OR10G7: variants seen among roughly 807,000 people sequenced by gnomAD.
The protein encoded by OR10G7 is olfactory receptor 10G7.
For synonymous variants in OR10G7, 165 were observed against 167.4 expected (o/e 0.99, Z 0.11); for missense variants, 338 against 382.1 (o/e 0.88, Z 0.96).
chr11:124,039,056 CTG>C (rs1864223116), intron 1 of OR10G7, 35 bp from the exon 2 acceptor site: 2 of 1,549,578 alleles, frequency 1.3e-6, no homozygotes, highest in Non-Finnish European at 1.8e-6. Context: ...ATAGCATTTA[CTG>C]TGAGCATGTT....
rs754133814 is a variant in OR10G7, at chr11:124,038,046, C to T, written c.*20G>A. 5.3e-6 allele frequency: 8 copies of T among 1,500,724 alleles called. No individual in the cohort carries two copies. In the Middle Eastern group the frequency reaches 7.1e-4, roughly 133 times the overall value. 93.0% of individuals were successfully genotyped at this position (1,500,724 alleles called of 1,614,324 possible). On this transcript the variant is annotated 3_prime_UTR_variant, in exon 2 of 2. Transcript: ENST00000641585. ...TTACAAATAAAAAAAGAAAAGTTAG[C>T]CATATATGGCCTTTCTTAACTATTC...
chr11:124,040,011 A>C (rs961305741), intron 1 of OR10G7, among the ~76,000 whole-genome samples: 1 of 152,132 alleles, frequency 6.6e-6, no homozygotes, highest in Non-Finnish European at 1.5e-5. Context: ...CTTCCTGGTC[A>C]TATACAAAGT....
rs778661823 is a variant in OR10G7 at position 124,038,521 on chromosome 11, A to G, written c.481T>C (p.Leu161=). The G allele has an allele frequency of 1.9e-6, 3 of 1,613,818 alleles. No individual in the cohort carries two copies. The highest frequency in any genetic ancestry group is 2.2e-5 in the East Asian group (1 of 44,878). ...GSLHSAVQTI[L]TFHLPYCGPN... is the part of the protein sequence containing the mutation. ...CCACAGTAGGGCAAATGGAAAGTCAATATGGTCTGGACAGCAGAGTGCAGA... is the reference window on the plus strand; with the variant it reads ...CCACAGTAGGGCAAATGGAAAGTCAGTATGGTCTGGACAGCAGAGTGCAGA... Residue 161 remains leucine (L), a synonymous_variant, in exon 2 of 2, where the codon TTG becomes CTG. Transcript: ENST00000641585.
rs762376540 is a variant in OR10G7 at position 124,037,182 on chromosome 11, C to T, written c.*884G>A. 19 of 152,208 alleles carry T rather than the reference C, an allele frequency of 1.2e-4. No individual in the cohort carries two copies. The highest frequency in any genetic ancestry group is 6.2e-4 in the South Asian group (3 of 4,824). The allele number at this position is 152,208 out of a possible 1,614,324, so 9.4% of individuals were successfully genotyped here. A position where few individuals can be genotyped will look rare whatever the true frequency, so the allele number is the denominator to read the frequency against. On this transcript the variant is annotated 3_prime_UTR_variant, in exon 2 of 2. Coordinates refer to ENST00000641585, the MANE Select transcript of OR10G7 (RefSeq NM_001004463.2). Reference sequence around the variant, plus strand: ...TTTCATATACTTTAAGTCAAACAAACGAATGTGACTTGCAGACATAGTCTA... The same window carrying T: ...TTTCATATACTTTAAGTCAAACAAATGAATGTGACTTGCAGACATAGTCTA...
chr11:124,038,936 G>A lies in OR10G7; in HGVS notation c.66C>T (p.Asp22=), dbSNP rs370886031. The A allele has an allele frequency of 1.1e-5, 17 of 1,611,070 alleles. No individual in the cohort carries two copies. The highest frequency in any genetic ancestry group is 6.7e-5 in the East Asian group (3 of 44,876). ...CCAGGAAGATTCCAAAGAGGGGGGC[G>A]TCCAGCCCTGGGGCATGGGGAAGGC... is the stretch of plus-strand genomic sequence containing the variant. The part of the protein sequence containing the change: ...LTGLPHAPGL[D]APLFGIFLVV... The change falls in exon 2 of 2, where the codon GAC becomes GAT. Residue 22 remains aspartate, a synonymous_variant. Coordinates refer to ENST00000641585, the MANE Select transcript of OR10G7 (RefSeq NM_001004463.2).
At position 124,037,945 on chromosome 11, in the gene OR10G7, G is replaced by A; in HGVS notation, c.*121C>T. The A allele has an allele frequency of 3.0e-6, 2 of 659,414 alleles. No individual in the cohort carries two copies. Among genetic ancestry groups the A allele is most frequent in the South Asian group, 3.0e-5 (1 of 32,980 alleles). 40.8% of individuals were successfully genotyped at this position (659,414 alleles called of 1,614,324 possible). On this transcript the variant is annotated 3_prime_UTR_variant, in exon 2 of 2. Transcript: ENST00000641585. ...GAAAAAAATGAAAAATTAATTAACTGTCCAATTAAAAATTAAGACTGAATA... is the reference window on the plus strand; with the variant it reads ...GAAAAAAATGAAAAATTAATTAACTATCCAATTAAAAATTAAGACTGAATA...
In OR10G7 at chr11:124,038,965, T is replaced by C. The variant is rs1276551248; in HGVS notation, c.37A>G (p.Thr13Ala). ...NATLLTAFIL[T>A]GLPHAPGLDA... Reference sequence around the variant, plus strand: ...AGCCCTGGGGCATGGGGAAGGCCCGTGAGGATGAACGCTGTCAGTAGGGTG... The same window carrying C: ...AGCCCTGGGGCATGGGGAAGGCCCGCGAGGATGAACGCTGTCAGTAGGGTG... The change falls in exon 2 of 2, where the codon ACG (threonine) becomes GCG (alanine). Residue 13 changes from threonine to alanine, a missense_variant. Physicochemically the swap from Thr to Ala is moderately conservative, Grantham distance 58. Transcript: ENST00000641585. The C allele has an allele frequency of 6.2e-7, 1 of 1,613,346 alleles. No individual in the cohort carries two copies. The highest frequency in any genetic ancestry group is 1.7e-5 in the Admixed American group (1 of 59,990).
chr11:124,040,150 C>G (rs1319254901), intron 1 of OR10G7, among the ~76,000 whole-genome samples: 3 of 152,110 alleles, frequency 2.0e-5, no homozygotes, highest in Admixed American at 6.5e-5. Context: ...TAAGCCTTCT[C>G]TTTCTAAAGT....
At position 124,040,941 on chromosome 11, in the gene OR10G7, G is replaced by A. The variant is rs1379695501; in HGVS notation, c.-76C>T. Reference sequence around the variant, plus strand: ...GCAAAATTCAATATTGAAAGAAAATGTCAGTTCTTGATAAGTGGTATAATT... The same window carrying A: ...GCAAAATTCAATATTGAAAGAAAATATCAGTTCTTGATAAGTGGTATAATT... On this transcript the variant is annotated 5_prime_UTR_variant, in exon 1 of 2. Coordinates refer to ENST00000641585, the MANE Select transcript of OR10G7 (RefSeq NM_001004463.2). 11 of 152,106 alleles carry A rather than the reference G, an allele frequency of 7.2e-5. No homozygotes were observed. The highest frequency in any genetic ancestry group is 1.9e-4 in the East Asian group (1 of 5,194). 9.4% of individuals were successfully genotyped at this position (152,106 alleles called of 1,614,324 possible). A position where few individuals can be genotyped will look rare whatever the true frequency, so the allele number is the denominator to read the frequency against.
chr11:124,039,499 C>T (rs148247636), intron 1 of OR10G7, among the ~76,000 whole-genome samples: 16 of 152,200 alleles, frequency 1.1e-4, no homozygotes, highest in Admixed American at 2.6e-4. Context: ...TAGAGAATTT[C>T]CATTACAAAT....
Position 124,036,114 on chromosome 11 carries a change from A to G in OR10G7, c.*1952T>C, listed in dbSNP as rs1236205667. 1 of 152,216 alleles carries G rather than the reference A, an allele frequency of 6.6e-6. No homozygotes were observed. The highest frequency in any genetic ancestry group is 1.5e-5 in the Non-Finnish European group (1 of 68,034). 9.4% of individuals were successfully genotyped at this position (152,216 alleles called of 1,614,324 possible). A position where few individuals can be genotyped will look rare whatever the true frequency, so the allele number is the denominator to read the frequency against. On this transcript the variant is annotated 3_prime_UTR_variant, in exon 2 of 2. Coordinates refer to ENST00000641585, the MANE Select transcript of OR10G7 (RefSeq NM_001004463.2). ...AGATTTGTGGATTATAATAATGTCAATATCCCAGTTGTGATATTGCACTAC... is the reference window on the plus strand; with the variant it reads ...AGATTTGTGGATTATAATAATGTCAGTATCCCAGTTGTGATATTGCACTAC...
intron 1 of OR10G7, among the ~76,000 whole-genome samples, chr11:124,039,666 T>C (rs1864227839): frequency 6.6e-6 from 1 of 152,022 alleles, no homozygotes; most frequent in Non-Finnish European, 1.5e-5. Context: ...AGATCAGGGG[T>C]CCTCAAACTC....
At position 124,037,215 on chromosome 11, in the gene OR10G7, G is replaced by A. The variant is rs1203199646; in HGVS notation, c.*851C>T. The A allele has an allele frequency of 6.6e-6, 1 of 152,036 alleles. No homozygotes were observed. Among genetic ancestry groups the A allele is most frequent in the Non-Finnish European group, 1.5e-5 (1 of 68,012 alleles). The allele number at this position is 152,036 out of a possible 1,614,324, so 9.4% of individuals were successfully genotyped here. A position where few individuals can be genotyped will look rare whatever the true frequency, so the allele number is the denominator to read the frequency against. The stretch of plus-strand genomic sequence containing the variant: ...ACTTGCAGACATAGTCTAATTACAT[G>A]GGAAATATTATCTAGTACTTTATTC... On this transcript the variant is annotated 3_prime_UTR_variant, in exon 2 of 2. Coordinates refer to ENST00000641585, the MANE Select transcript of OR10G7 (RefSeq NM_001004463.2).
intron 1 of OR10G7, among the ~76,000 whole-genome samples, chr11:124,040,067 T>C (rs1406693845): frequency 6.6e-6 from 1 of 152,156 alleles, no homozygotes; most frequent in Non-Finnish European, 1.5e-5. Context: ...TCATTTTCTT[T>C]AGCTTCCCTT....
At position 124,038,042 on chromosome 11, in the gene OR10G7, T is replaced by C. The variant is rs1198335792; in HGVS notation, c.*24A>G. The C allele has an allele frequency of 6.8e-7, 1 of 1,481,240 alleles. No individual in the cohort carries two copies. The highest frequency in any genetic ancestry group is 2.2e-5 in the Admixed American group (1 of 45,158). The allele number at this position is 1,481,240 out of a possible 1,614,324, so 91.8% of individuals were successfully genotyped here. On this transcript the variant is annotated 3_prime_UTR_variant, in exon 2 of 2. Transcript: ENST00000641585. ...TTAATTACAAATAAAAAAAGAAAAG[T>C]TAGCCATATATGGCCTTTCTTAACT...
rs1312123874 is a variant in OR10G7, at chr11:124,038,026, A to G, written c.*40T>C. 3.7e-6 allele frequency: 5 copies of G among 1,364,230 alleles called. No individual in the cohort carries two copies. Among genetic ancestry groups the G allele is most frequent in the Non-Finnish European group, 5.0e-6 (5 of 997,270 alleles). The allele number at this position is 1,364,230 out of a possible 1,614,324, so 84.5% of individuals were successfully genotyped here. A position where few individuals can be genotyped will look rare whatever the true frequency, so the allele number is the denominator to read the frequency against. On this transcript the variant is annotated 3_prime_UTR_variant, in exon 2 of 2. Coordinates refer to ENST00000641585, the MANE Select transcript of OR10G7 (RefSeq NM_001004463.2). ...ATGTTGAAGGTTTAATTTAATTACAAATAAAAAAAGAAAAGTTAGCCATAT... is the reference window on the plus strand; with the variant it reads ...ATGTTGAAGGTTTAATTTAATTACAGATAAAAAAAGAAAAGTTAGCCATAT...
At chr11:124,039,410 C>T (rs183460048) in intron 1 of OR10G7, among the ~76,000 whole-genome samples, 42 of 152,162 alleles carry the variant, frequency 2.8e-4, no homozygotes, top group South Asian at 1.4e-3. Flanking sequence ...TATATAGATA[C>T]GCATGCACAC....
chr11:124,038,163 G>C lies in OR10G7; in HGVS notation c.839C>G (p.Pro280Arg), dbSNP rs767034136. The change falls in exon 2 of 2, where the codon CCT becomes CGT. Residue 280 changes from proline to arginine, a missense_variant. Transcript: ENST00000641585. ...GGTGTACACAACAGGGTTGAAAAGA[G>C]GAGTCAGCGTGGTGTAGAAAACGGC... is the stretch of plus-strand genomic sequence containing the variant. ...VVAVFYTTLT[P>R]LFNPVVYTLR... 4 of 1,614,124 alleles carry C rather than the reference G, an allele frequency of 2.5e-6. No homozygotes were observed. Among genetic ancestry groups the C allele is most frequent in the Non-Finnish European group, 3.4e-6 (4 of 1,180,044 alleles).
At chr11:124,040,313 A>C (rs897105169) in intron 1 of OR10G7, among the ~76,000 whole-genome samples, 1 of 152,124 alleles carries the variant, frequency 6.6e-6, no homozygotes, top group African/African-American at 2.4e-5. Context: ...ATGCCCTTCT[A>C]AAAATAAAAA....
Sources: allele counts gnomAD v4.1 joint callset (sites outside exome capture counted in the v4.1 genomes callset), GRCh38; gene constraint gnomAD v4.1.1; transcripts MANE v1.5; gene names NCBI Gene and HGNC (gene_info 2026-07-23, HGNC 2026-07-21).